Variants in CCDC6 observed in about 807,000 individuals in gnomAD.
CCDC6 encodes the protein coiled-coil domain containing 6, also known as coiled-coil domain-containing protein 6.
Under a neutral mutation model 56.6 loss-of-function variants are expected in CCDC6, and 20 were observed. The ratio of observed to expected loss-of-function variants is 0.35; its 90% CI spans 0.25 to 0.51. The LOEUF (loss-of-function observed/expected upper bound fraction) is 0.51, where lower values mean the gene tolerates loss of function less well. CCDC6 is among the 20% of genes least tolerant of loss of function. CCDC6 has a pLI of 0.95. For synonymous variants in CCDC6, 241 were observed against 234.4 expected, an observed-to-expected ratio of 1.03 and a Z score of -0.26; for missense variants, 367 against 601.1, an observed-to-expected ratio of 0.61 and a Z score of 4.07.
Position 59,793,124 on chromosome 10 carries a change from C to T in CCDC6, c.1231-13G>A. 6.2e-7 allele frequency: 1 copy of T among 1,612,034 alleles called. No homozygotes were observed. The highest frequency in any genetic ancestry group is 1.1e-5 in the South Asian group (1 of 90,908). On this transcript the variant is annotated splice_polypyrimidine_tract_variant and intron_variant, in intron 8 of 8. Transcript: ENST00000263102. ...GTGGTGAAGGCCTCTGCAGAGGGGACAGGAACAGCAAGTCAGTCTAGGTAC... is the reference window on the plus strand; with the variant it reads ...GTGGTGAAGGCCTCTGCAGAGGGGATAGGAACAGCAAGTCAGTCTAGGTAC...
chr10:59,858,917 C>A (rs187064355), intron 1 of CCDC6, among the ~76,000 whole-genome samples: 22 of 152,316 alleles, frequency 1.4e-4, no homozygotes, highest in African/African-American at 5.1e-4. Context: ...TTGACTCACA[C>A]TGCCTGGTTT....
At chr10:59,829,981 G>C (rs1018863958) in intron 3 of CCDC6, among the ~76,000 whole-genome samples, 8 of 152,162 alleles carry the variant, frequency 5.3e-5, no homozygotes, top group Non-Finnish European at 1.0e-4. Context: ...GTTCACAACT[G>C]GTTGCTTTGA....
intron 2 of CCDC6, among the ~76,000 whole-genome samples, chr10:59,834,394 C>CAAAT (rs746804813): frequency 5.9e-5 from 9 of 151,550 alleles, no homozygotes; most frequent in East Asian, 5.9e-4. Context: ...AACAAACAAA[C>CAAAT]AAATAAATAA....
intron 2 of CCDC6, among the ~76,000 whole-genome samples, chr10:59,845,648 T>C (rs2070985347): frequency 6.6e-6 from 1 of 152,158 alleles, no homozygotes; most frequent in Non-Finnish European, 1.5e-5. Context: ...AACCTCTTGC[T>C]CCTGAAAAGA....
In CCDC6 at chr10:59,790,974, CTCCTA is replaced by C. The variant is rs1287349833; in HGVS notation, c.*1938_*1942del. On this transcript the variant is annotated 3_prime_UTR_variant, in exon 9 of 9. Transcript: ENST00000263102. ...ATTCTTATAAACATATACCATATTT[CTCCTA>C]TAAGAAAAACTGAGAACTGTACCAT... is the stretch of plus-strand genomic sequence containing the variant. The C allele has an allele frequency of 4.9e-6, 1 of 203,354 alleles. No homozygotes were observed. Among genetic ancestry groups the C allele is most frequent in the African/African-American group, 2.3e-5 (1 of 43,660 alleles). The allele number at this position is 203,354 out of a possible 1,614,324, so 12.6% of individuals were successfully genotyped here.
intron 6 of CCDC6, chr10:59,805,014 A>G (rs1396268697): frequency 6.2e-6 from 1 of 160,450 alleles, no homozygotes; most frequent in Non-Finnish European, 1.4e-5. Flanking sequence ...CCTGCTTAAC[A>G]GACAGTCACA....
chr10:59,813,615 G>C (rs2070690117), intron 4 of CCDC6, among the ~76,000 whole-genome samples: 1 of 152,088 alleles, frequency 6.6e-6, no homozygotes, highest in South Asian at 2.1e-4. Context: ...CTTTGAGTTT[G>C]TCCAGGAGCA....
At chr10:59,834,443 G>C (rs1200224151) in intron 2 of CCDC6, among the ~76,000 whole-genome samples, 1 of 151,992 alleles carries the variant, frequency 6.6e-6, no homozygotes, top group African/African-American at 2.4e-5. Flanking sequence ...CTACTCAGGA[G>C]GCTGAGGCAG....
intron 5 of CCDC6, among the ~76,000 whole-genome samples, chr10:59,807,597 GA>G (rs1200639812): frequency 6.6e-6 from 1 of 152,122 alleles, no homozygotes; most frequent in Non-Finnish European, 1.5e-5. Flanking sequence ...TTTGCATTTA[GA>G]AAAAAATATA....
At chr10:59,900,358 T>C (rs1433191429) in intron 1 of CCDC6, among the ~76,000 whole-genome samples, 2 of 151,628 alleles carry the variant, frequency 1.3e-5, no homozygotes, top group African/African-American at 2.4e-5. Context: ...ACTGACAAGG[T>C]AGAAAAGAGG....
In CCDC6 at chr10:59,790,060, A is replaced by C. The variant is rs11540401; in HGVS notation, c.*2857T>G. On this transcript the variant is annotated 3_prime_UTR_variant, in exon 9 of 9. Coordinates refer to ENST00000263102, the MANE Select transcript of CCDC6 (RefSeq NM_005436.5). ...GTAAGTTCAATTAAAGGCTTCCACT[A>C]TCTGCCAAATTTCTAGAATTCTGTC... 3.2e-4 allele frequency: 69 copies of C among 213,892 alleles called. No individual in the cohort carries two copies. Among genetic ancestry groups the C allele is most frequent in the African/African-American group, 1.4e-3 (64 of 44,314 alleles). The allele number at this position is 213,892 out of a possible 1,614,324, so 13.2% of individuals were successfully genotyped here. A position where few individuals can be genotyped will look rare whatever the true frequency, so the allele number is the denominator to read the frequency against.
At chr10:59,795,309 C>G (rs1284727170) in intron 7 of CCDC6, among the ~76,000 whole-genome samples, 2 of 151,992 alleles carry the variant, frequency 1.3e-5, no homozygotes, top group Admixed American at 6.6e-5. Flanking sequence ...GCACAGAGAA[C>G]TTGAATACAC....
At chr10:59,899,659 T>C (rs540476507) in intron 1 of CCDC6, among the ~76,000 whole-genome samples, 14 of 152,330 alleles carry the variant, frequency 9.2e-5, no homozygotes, top group Non-Finnish European at 1.6e-4. Flanking sequence ...TAAAGAGTCA[T>C]AGGAAACACC....
intron 1 of CCDC6, among the ~76,000 whole-genome samples, chr10:59,899,233 T>C (rs2071486292): frequency 6.6e-6 from 1 of 152,216 alleles, no homozygotes; most frequent in Admixed American, 6.5e-5. Flanking sequence ...ATATTGAACC[T>C]GTGAACATTT....
At chr10:59,836,504 T>C (rs1446462825) in intron 2 of CCDC6, among the ~76,000 whole-genome samples, 3 of 152,228 alleles carry the variant, frequency 2.0e-5, no homozygotes, top group Admixed American at 2.0e-4. Context: ...ATTTTAAATC[T>C]TCCAATAAAG....
At chr10:59,826,420 T>C (rs909370982) in intron 3 of CCDC6, among the ~76,000 whole-genome samples, 3 of 152,174 alleles carry the variant, frequency 2.0e-5, no homozygotes, top group African/African-American at 7.2e-5. Flanking sequence ...TCTTTTCTCC[T>C]GCATCAATCT....
At chr10:59,898,079 T>C (rs937423848) in intron 1 of CCDC6, among the ~76,000 whole-genome samples, 1 of 152,192 alleles carries the variant, frequency 6.6e-6, no homozygotes, top group African/African-American at 2.4e-5. Context: ...TCCTATAAAA[T>C]AGTACCTCTA....
At chr10:59,837,806 T>G in intron 2 of CCDC6, among the ~76,000 whole-genome samples, 1 of 112,830 alleles carries the variant, frequency 8.9e-6, no homozygotes, top group African/African-American at 4.9e-5. Context: ...CCCAGCTTTG[T>G]TTTCACTAGT....
intron 1 of CCDC6, among the ~76,000 whole-genome samples, chr10:59,875,715 T>C (rs536196448): frequency 7.9e-5 from 12 of 152,310 alleles, no homozygotes; most frequent in African/African-American, 2.6e-4. Flanking sequence ...CTAATATTTT[T>C]AGTGTGTGAT....
Sources: allele counts gnomAD v4.1 joint callset (sites outside exome capture counted in the v4.1 genomes callset), GRCh38; gene constraint gnomAD v4.1.1; transcripts MANE v1.5; gene names NCBI Gene and HGNC (gene_info 2026-07-23, HGNC 2026-07-21).